The following NKX3-2 variants were observed in gnomAD, a reference collection of about 807,000 sequenced individuals.
NKX3-2 encodes homeobox protein Nkx-3.2.
In NKX3-2, 13 loss-of-function variants were observed where a neutral mutation model predicts 19.4. The ratio of observed to expected loss-of-function variants is 0.67; its 90% CI spans 0.44 to 1.07. The LOEUF is 1.07. Ranked by LOEUF, NKX3-2 falls within the 50% of genes least tolerant of loss-of-function variation. NKX3-2 has a pLI of 0.00. For missense variants in NKX3-2, 562 were observed against 488.2 expected (o/e 1.15, Z -1.42); for synonymous variants, 269 against 230.5 (o/e 1.17, Z -1.51).
rs138898868 is a variant in NKX3-2, at chr4:13,543,495, C to T, written c.466+454G>A. 8.1e-3 allele frequency among the ~76,000 whole-genome samples: 1,232 copies of T among 152,294 alleles called. 20 individuals are homozygous for T. The highest frequency in any genetic ancestry group is 0.027 in the African/African-American group (1,141 of 41,558). On this transcript the variant is annotated intron_variant, in intron 1 of 1. Coordinates refer to ENST00000382438, the MANE Select transcript of NKX3-2 (RefSeq NM_001189.4). This position sits in a 1 kb window ranked among gnomAD's most constrained non-coding sequence, Gnocchi z 7.1. ...TCGGAGGTGTTCTTCACCACCTATC[C>T]ACCTACTGTGGGGCCCGGCCCTGGG... is the stretch of plus-strand genomic sequence containing the variant.
At chr4:13,544,589 C>G (rs899653746), upstream of NKX3-2, 1 of 352,566 alleles carries the variant, frequency 2.8e-6, no homozygotes, top group Non-Finnish European at 4.9e-6. Context: ...GGATCAGCGC[C>G]GACCCTCGCC....
At position 13,544,278 on chromosome 4, in the gene NKX3-2, G is replaced by T; in HGVS notation, c.137C>A (p.Ala46Asp). The change falls in exon 1 of 2, where the codon GCT becomes GAT. Residue 46 changes from alanine (A) to aspartate (D), a missense_variant. Coordinates refer to ENST00000382438, the MANE Select transcript of NKX3-2 (RefSeq NM_001189.4). ...PGGTAASVAA[A>D]PAVCCWRLFG... ...GAGCCGCCAACAGCAGACAGCGGGA[G>T]CCGCGGCCACCGATGCCGCTGTGCC... 6.5e-7 allele frequency: 1 copy of T among 1,549,876 alleles called. No homozygotes were observed. Among genetic ancestry groups the T allele is most frequent in the Non-Finnish European group, 8.6e-7 (1 of 1,156,218 alleles).
Position 13,544,441 on chromosome 4 carries a change from G to T in NKX3-2, c.-27C>A. 2 of 1,457,704 alleles carry T rather than the reference G, an allele frequency of 1.4e-6. No homozygotes were observed. The highest frequency in any genetic ancestry group is 1.3e-5 in the South Asian group (1 of 74,562). 90.3% of individuals were successfully genotyped at this position (1,457,704 alleles called of 1,614,324 possible). On this transcript the variant is annotated 5_prime_UTR_variant, in exon 1 of 2. Coordinates refer to ENST00000382438, the MANE Select transcript of NKX3-2 (RefSeq NM_001189.4). ...TGCGCCGCGGGCAGGAGCGGCCGGC[G>T]GGGCGGGCAGCTGGGGCGCCGAGCA...
rs1437409971 is a variant in NKX3-2 at position 13,542,107 on chromosome 4, G to A, written c.888C>T (p.Gly296=). Residue 296 remains glycine, a synonymous_variant, in exon 2 of 2, where the codon GGC becomes GGT. Transcript: ENST00000382438. The surrounding 1 kb of genome is among the most constrained non-coding windows in gnomAD (Gnocchi z 6.4). ...VRDDQRQYLP[G]EVLRPPSLLP... is the part of the protein sequence containing the mutation. Reference sequence around the variant, plus strand: ...GAAGCGAGGGTGGCCGCAGCACTTCGCCGGGCAGGTATTGTCTCTGGTCGT... The same window carrying A: ...GAAGCGAGGGTGGCCGCAGCACTTCACCGGGCAGGTATTGTCTCTGGTCGT... 6.2e-7 allele frequency: 1 copy of A among 1,607,514 alleles called. No individual in the cohort carries two copies. The highest frequency in any genetic ancestry group is 1.1e-5 in the South Asian group (1 of 90,710).
At position 13,541,962 on chromosome 4, in the gene NKX3-2, G is replaced by T. The variant is rs761700765; in HGVS notation, c.*31C>A. The T allele has an allele frequency of 1.3e-6, 2 of 1,558,536 alleles. No homozygotes were observed. The highest frequency in any genetic ancestry group is 1.9e-5 in the Admixed American group (1 of 52,050). ...AGCGCCGGTCCGGAGCCGGAGCGCG[G>T]GAATCACTCGCTGCCTCAGCCCAAG... On this transcript the variant is annotated 3_prime_UTR_variant, in exon 2 of 2. Coordinates refer to ENST00000382438, the MANE Select transcript of NKX3-2 (RefSeq NM_001189.4).
chr4:13,543,841 C>CAAGG lies in NKX3-2; in HGVS notation c.466+107_466+108insCCTT. ...CAGAACTTCGGGATTTGGCCAGCCTCCGAGCCCCAGGGCGCAGGGTGCTCA... is the reference window on the plus strand; with the variant it reads ...CAGAACTTCGGGATTTGGCCAGCCTCAAGGCGAGCCCCAGGGCGCAGGGTGCTCA... On this transcript the variant is annotated intron_variant, in intron 1 of 1. Transcript: ENST00000382438. The surrounding 1 kb of genome is among the most constrained non-coding windows in gnomAD (Gnocchi z 7.1). The CAAGG allele has an allele frequency of 3.7e-6, 4 of 1,068,124 alleles. No homozygotes were observed. The highest frequency in any genetic ancestry group is 5.1e-6 in the Non-Finnish European group (4 of 778,170). The allele number at this position is 1,068,124 out of a possible 1,614,324, so 66.2% of individuals were successfully genotyped here. A position where few individuals can be genotyped will look rare whatever the true frequency, so the allele number is the denominator to read the frequency against.
chr4:13,543,881 C>T lies in NKX3-2; in HGVS notation c.466+68G>A. On this transcript the variant is annotated intron_variant, in intron 1 of 1. Coordinates refer to ENST00000382438, the MANE Select transcript of NKX3-2 (RefSeq NM_001189.4). The surrounding 1 kb of genome is among the most constrained non-coding windows in gnomAD (Gnocchi z 7.1). ...CAGGGTGCTCAAGCCGACCACCCCA[C>T]TCGGCGTGGTTGCCCTCCGCGTCCA... The T allele has an allele frequency of 7.3e-7, 1 of 1,377,702 alleles. No homozygotes were observed. Among genetic ancestry groups the T allele is most frequent in the Non-Finnish European group, 9.6e-7 (1 of 1,043,470 alleles). The allele number at this position is 1,377,702 out of a possible 1,614,324, so 85.3% of individuals were successfully genotyped here. A position where few individuals can be genotyped will look rare whatever the true frequency, so the allele number is the denominator to read the frequency against.
rs1021630280 is a variant in NKX3-2, at chr4:13,541,902, G to C, written c.*91C>G. The C allele has an allele frequency of 8.6e-6, 13 of 1,513,746 alleles. No individual in the cohort carries two copies. Among genetic ancestry groups the C allele is most frequent in the African/African-American group, 6.9e-5 (5 of 72,104 alleles). The allele number at this position is 1,513,746 out of a possible 1,614,324, so 93.8% of individuals were successfully genotyped here. On this transcript the variant is annotated 3_prime_UTR_variant, in exon 2 of 2. Coordinates refer to ENST00000382438, the MANE Select transcript of NKX3-2 (RefSeq NM_001189.4). The stretch of plus-strand genomic sequence containing the variant: ...TTTCACCTCCAGGTGCCTCCTTGGC[G>C]GGGCGCCCCGTGCAGGCTACAGCCT...
chr4:13,542,025 A>T lies in NKX3-2; in HGVS notation c.970T>A (p.Ser324Thr). ...GTGCCTGCGGCAGCTGCGCAGGTGGAGAGCGCCCAGCCTGGGAGGCAGTAG... is the reference window on the plus strand; with the variant it reads ...GTGCCTGCGGCAGCTGCGCAGGTGGTGAGCGCCCAGCCTGGGAGGCAGTAG... ...PYYCLPGWAL[S>T]TCAAAAGTQ Residue 324 changes from serine (S) to threonine (T), a missense_variant, in exon 2 of 2, where the codon TCC becomes ACC. Coordinates refer to ENST00000382438, the MANE Select transcript of NKX3-2 (RefSeq NM_001189.4). This position sits in a 1 kb window ranked among gnomAD's most constrained non-coding sequence, Gnocchi z 6.4. 6.3e-7 allele frequency: 1 copy of T among 1,596,770 alleles called. No individual in the cohort carries two copies. The highest frequency in any genetic ancestry group is 8.5e-7 in the Non-Finnish European group (1 of 1,172,324).
At position 13,543,675 on chromosome 4, in the gene NKX3-2, G is replaced by C. The variant is rs1718043309; in HGVS notation, c.466+274C>G. On this transcript the variant is annotated intron_variant, in intron 1 of 1. Transcript: ENST00000382438. The surrounding 1 kb of genome is among the most constrained non-coding windows in gnomAD (Gnocchi z 7.1). ...ACTCAAAAACTCCCGAACGCAAGGG[G>C]CAGCGGTTCTCCCAACCCAGTCTAA... Among the ~76,000 whole-genome samples the C allele has an allele frequency of 6.6e-6, 1 of 152,194 alleles. No homozygotes were observed. Among genetic ancestry groups the C allele is most frequent in the African/African-American group, 2.4e-5 (1 of 41,450 alleles).
rs1010692769 is a variant in NKX3-2 at position 13,541,901 on chromosome 4, C to T, written c.*92G>A. On this transcript the variant is annotated 3_prime_UTR_variant, in exon 2 of 2. Coordinates refer to ENST00000382438, the MANE Select transcript of NKX3-2 (RefSeq NM_001189.4). The stretch of plus-strand genomic sequence containing the variant: ...GTTTCACCTCCAGGTGCCTCCTTGG[C>T]GGGGCGCCCCGTGCAGGCTACAGCC... 19 of 1,510,964 alleles carry T rather than the reference C, an allele frequency of 1.3e-5. No individual in the cohort carries two copies. The Admixed American group carries it at 2.5e-4, about 20-fold the overall frequency. 93.6% of individuals were successfully genotyped at this position (1,510,964 alleles called of 1,614,324 possible).
At position 13,543,931 on chromosome 4, in the gene NKX3-2, C is replaced by T. The variant is rs758464634; in HGVS notation, c.466+18G>A. The stretch of plus-strand genomic sequence containing the variant: ...ATCCCCTCAGCCCGGCCCCCATCCC[C>T]GCGAAGCCGCAGCAGACCTGAGACG... On this transcript the variant is annotated intron_variant, in intron 1 of 1. Coordinates refer to ENST00000382438, the MANE Select transcript of NKX3-2 (RefSeq NM_001189.4). The surrounding 1 kb of genome is among the most constrained non-coding windows in gnomAD (Gnocchi z 7.1). The T allele has an allele frequency of 3.9e-6, 6 of 1,532,398 alleles. No homozygotes were observed. In the Admixed American group the frequency reaches 1.0e-4, roughly 25 times the overall value. 94.9% of individuals were successfully genotyped at this position (1,532,398 alleles called of 1,614,324 possible).
upstream of NKX3-2, among the ~76,000 whole-genome samples, chr4:13,545,384 A>G (rs530146920): frequency 6.6e-5 from 10 of 152,374 alleles, no homozygotes; most frequent in African/African-American, 2.4e-4. Flanking sequence ...AAGATAATGC[A>G]GTTCCATAAA....
rs1283850011 is a variant in NKX3-2 at position 13,544,432 on chromosome 4, G to A, written c.-18C>T. 2.0e-6 allele frequency: 3 copies of A among 1,476,746 alleles called. No individual in the cohort carries two copies. Among genetic ancestry groups the A allele is most frequent in the Admixed American group, 2.5e-5 (1 of 40,534 alleles). 91.5% of individuals were successfully genotyped at this position (1,476,746 alleles called of 1,614,324 possible). A position where few individuals can be genotyped will look rare whatever the true frequency, so the allele number is the denominator to read the frequency against. On this transcript the variant is annotated 5_prime_UTR_variant, in exon 1 of 2. Transcript: ENST00000382438. ...ACAGCCATCTGCGCCGCGGGCAGGA[G>A]CGGCCGGCGGGGCGGGCAGCTGGGG...
upstream of NKX3-2, among the ~76,000 whole-genome samples, chr4:13,545,202 A>C (rs146053976): frequency 7.9e-5 from 12 of 152,316 alleles, no homozygotes; most frequent in East Asian, 1.7e-3. Context: ...CGCTAAAGAC[A>C]GGGTCTGACT....
chr4:13,541,944 G>T lies in NKX3-2; in HGVS notation c.*49C>A, dbSNP rs1360452728. ...CTACAGCCTACAGCTGTCAGCGCCG[G>T]TCCGGAGCCGGAGCGCGGGAATCAC... On this transcript the variant is annotated 3_prime_UTR_variant, in exon 2 of 2. Coordinates refer to ENST00000382438, the MANE Select transcript of NKX3-2 (RefSeq NM_001189.4). 2.6e-6 allele frequency: 4 copies of T among 1,550,516 alleles called. No individual in the cohort carries two copies. In the Admixed American group the frequency reaches 7.8e-5, roughly 30 times the overall value.
Position 13,544,301 on chromosome 4 carries a change from GC to G in NKX3-2, c.113del (p.Gly38AlafsTer86). On this transcript the variant is annotated frameshift_variant, in exon 1 of 2. Transcript: ENST00000382438. LOFTEE classifies it high-confidence loss of function. ...AAPEGRPAPG[G>X]TAASVAAAPA... ...GAGCCGCGGCCACCGATGCCGCTGTGCCCCCGGGCGCCGGGCGCCCCTCTGG... is the reference window on the plus strand; with the variant it reads ...GAGCCGCGGCCACCGATGCCGCTGTGCCCCGGGCGCCGGGCGCCCCTCTGG... 2.6e-6 allele frequency: 4 copies of G among 1,532,270 alleles called. No individual in the cohort carries two copies. The highest frequency in any genetic ancestry group is 2.5e-5 in the East Asian group (1 of 40,310). 94.9% of individuals were successfully genotyped at this position (1,532,270 alleles called of 1,614,324 possible). A position where few individuals can be genotyped will look rare whatever the true frequency, so the allele number is the denominator to read the frequency against.
rs914643346 is a variant in NKX3-2 at position 13,541,414 on chromosome 4, T to C, written c.*579A>G. 2.0e-5 allele frequency: 3 copies of C among 152,010 alleles called. No individual in the cohort carries two copies. Among genetic ancestry groups the C allele is most frequent in the African/African-American group, 7.3e-5 (3 of 41,354 alleles). 9.4% of individuals were successfully genotyped at this position (152,010 alleles called of 1,614,324 possible). A position where few individuals can be genotyped will look rare whatever the true frequency, so the allele number is the denominator to read the frequency against. On this transcript the variant is annotated 3_prime_UTR_variant, in exon 2 of 2. Coordinates refer to ENST00000382438, the MANE Select transcript of NKX3-2 (RefSeq NM_001189.4). ...CCCTAGCTCTGACACACAGGAGGGG[T>C]GGAGCAGAGGGCCTGAAAACCCAAT...
rs900697058 is a variant in NKX3-2, at chr4:13,541,860, C to T, written c.*133G>A. On this transcript the variant is annotated 3_prime_UTR_variant, in exon 2 of 2. Transcript: ENST00000382438. ...CTGCCAGGGGACAAGTCCTGGCTAA[C>T]GGGAGCTGGAGCTGGGTTTCACCTC... 6 of 1,376,782 alleles carry T rather than the reference C, an allele frequency of 4.4e-6. No individual in the cohort carries two copies. The highest frequency in any genetic ancestry group is 2.5e-5 in the East Asian group (1 of 39,484). The allele number at this position is 1,376,782 out of a possible 1,614,324, so 85.3% of individuals were successfully genotyped here. A position where few individuals can be genotyped will look rare whatever the true frequency, so the allele number is the denominator to read the frequency against.
Sources: allele counts gnomAD v4.1 joint callset (sites outside exome capture counted in the v4.1 genomes callset), GRCh38; gene constraint gnomAD v4.1.1; non-coding constraint Gnocchi (gnomAD v3.1); transcripts MANE v1.5; gene names NCBI Gene and HGNC (gene_info 2026-07-23, HGNC 2026-07-21).